The following DIP2C variants were observed in gnomAD, a reference collection of about 807,000 sequenced individuals.
DIP2C encodes the protein DIP2 acetate--CoA ligase C (putative), also known as disco-interacting protein 2 homolog C.
A neutral mutation model predicts 192.4 loss-of-function variants in DIP2C; 33 were observed. The ratio of observed to expected loss-of-function variants is 0.17; its 90% CI spans 0.13 to 0.23. The LOEUF is 0.23. Ranked by LOEUF, DIP2C falls within the 10% of genes least tolerant of loss-of-function variation. DIP2C has a pLI of 1.00. For synonymous variants in DIP2C, 979 were observed against 864.1 expected (o/e 1.13, Z -2.33); for missense variants, 1,537 against 2,110.1 (o/e 0.73, Z 5.32).
chr10:605,409 C>T (rs1852388255), intron 1 of DIP2C, among the ~76,000 whole-genome samples: 1 of 152,198 alleles, frequency 6.6e-6, no homozygotes, highest in Non-Finnish European at 1.5e-5. Context: ...GATTCCCTTG[C>T]CCAAGCTAAT....
intron 36 of DIP2C, among the ~76,000 whole-genome samples, chr10:278,197 G>A (rs1012103546): frequency 2.7e-5 from 4 of 150,586 alleles, no homozygotes; most frequent in African/African-American, 9.8e-5. Context: ...TAGGGCATGG[G>A]TGCCTACTCC....
At chr10:616,471 T>C (rs1324811730) in intron 1 of DIP2C, among the ~76,000 whole-genome samples, 2 of 152,240 alleles carry the variant, frequency 1.3e-5, no homozygotes, top group Non-Finnish European at 2.9e-5. Flanking sequence ...TTCCCAAGCC[T>C]GTCTCTGCAC....
chr10:513,366 ATTGT>A (rs1846149511), intron 1 of DIP2C, among the ~76,000 whole-genome samples: 1 of 152,258 alleles, frequency 6.6e-6, no homozygotes, highest in East Asian at 1.9e-4. Context: ...AGTTTTTAAA[ATTGT>A]TTGTCGCGTG....
chr10:379,998 A>G (rs1359738286), intron 17 of DIP2C, among the ~76,000 whole-genome samples: 1 of 151,624 alleles, frequency 6.6e-6, no homozygotes, highest in African/African-American at 2.4e-5. Flanking sequence ...CACGCAGAAG[A>G]GGCTGTCCCT....
intron 1 of DIP2C, among the ~76,000 whole-genome samples, chr10:677,747 CAG>C (rs1213087861): frequency 6.6e-6 from 1 of 152,200 alleles, no homozygotes; most frequent in Non-Finnish European, 1.5e-5. Flanking sequence ...CAACTCGGAA[CAG>C]GGGATGGTGA....
intron 31 of DIP2C, chr10:324,809 G>T (rs377221325): frequency 3.0e-5 from 13 of 433,780 alleles, no homozygotes; most frequent in African/African-American, 2.4e-4. Context: ...AGGTAAGGAC[G>T]GTGGCACGCT....
intron 1 of DIP2C, among the ~76,000 whole-genome samples, chr10:573,431 C>T (rs1384918448): frequency 6.6e-6 from 1 of 152,222 alleles, no homozygotes; most frequent in Non-Finnish European, 1.5e-5. Flanking sequence ...GTTTTTCGGA[C>T]AGGGTCGCCC....
Position 349,320 on chromosome 10 carries a change from T to G in DIP2C, c.3109+11A>C. ...GCCATCTCTCAGGGGAAGCCCACCC[T>G]GCGCCTGTACCTGGGGGGTAGACCA... On this transcript the variant is annotated intron_variant, in intron 25 of 36. Coordinates refer to ENST00000280886, the MANE Select transcript of DIP2C (RefSeq NM_014974.3). 1 of 1,600,120 alleles carries G rather than the reference T, an allele frequency of 6.2e-7. No homozygotes were observed.
intron 3 of DIP2C, among the ~76,000 whole-genome samples, chr10:445,417 T>C (rs567195393): frequency 1.3e-5 from 2 of 150,868 alleles, no homozygotes; most frequent in South Asian, 4.2e-4. Context: ...GCAAAGAGTA[T>C]ATCTTGCACT....
At chr10:521,566 G>A (rs992856058) in intron 1 of DIP2C, among the ~76,000 whole-genome samples, 5 of 152,142 alleles carry the variant, frequency 3.3e-5, no homozygotes, top group African/African-American at 9.7e-5. Context: ...GGGAGAAGCC[G>A]GTCCAGATAT....
intron 1 of DIP2C, among the ~76,000 whole-genome samples, chr10:606,071 C>T (rs1210283327): frequency 6.6e-6 from 1 of 152,224 alleles, no homozygotes; most frequent in Non-Finnish European, 1.5e-5. Context: ...ACCCCCGGAG[C>T]CTGCGCAGCG....
At chr10:594,547 G>GT (rs1851590849) in intron 1 of DIP2C, among the ~76,000 whole-genome samples, 1 of 150,078 alleles carries the variant, frequency 6.7e-6, no homozygotes, top group African/African-American at 2.5e-5. Flanking sequence ...CCATTTCAAC[G>GT]TAAGAGAACA....
chr10:670,183 CGT>C lies in DIP2C; in HGVS notation c.85+19309_85+19310del, dbSNP rs548199838. Reference sequence around the variant, plus strand: ...GTGCGCACATGCATGAACATGTACACGTGTGTACATGTGTGCACATGTATGCA... The same window carrying C: ...GTGCGCACATGCATGAACATGTACACGTGTACATGTGTGCACATGTATGCA... On this transcript the variant is annotated intron_variant, in intron 1 of 36. Coordinates refer to ENST00000280886, the MANE Select transcript of DIP2C (RefSeq NM_014974.3). Among the ~76,000 whole-genome samples, 439 of 152,230 alleles carry C rather than the reference CGT, an allele frequency of 2.9e-3. 1 individual carries two copies. The highest frequency in any genetic ancestry group is 0.01 in the Middle Eastern group (3 of 294).
At chr10:319,749 G>C (rs1160733835) in intron 31 of DIP2C, among the ~76,000 whole-genome samples, 1 of 152,170 alleles carries the variant, frequency 6.6e-6, no homozygotes, top group Non-Finnish European at 1.5e-5. Context: ...CATTTTTCCA[G>C]CTAAAGGTAC....
intron 1 of DIP2C, among the ~76,000 whole-genome samples, chr10:522,525 G>A (rs910739059): frequency 3.3e-5 from 5 of 152,262 alleles, no homozygotes; most frequent in African/African-American, 1.2e-4. Context: ...AGCCACAAGT[G>A]AGGGTCCTGA....
At chr10:391,513 T>G (rs762034719) in intron 10 of DIP2C, among the ~76,000 whole-genome samples, 7 of 152,230 alleles carry the variant, frequency 4.6e-5, no homozygotes, top group Non-Finnish European at 1.0e-4. Context: ...AGGTCAGACC[T>G]GAACAGACCT....
chr10:459,680 G>A (rs560317249), intron 3 of DIP2C, among the ~76,000 whole-genome samples: 158 of 145,230 alleles, frequency 1.1e-3, no homozygotes, highest in African/African-American at 3.7e-3. Flanking sequence ...AGGGAACGGC[G>A]TGCTGCACGT....
chr10:671,314 G>T (rs980475439), intron 1 of DIP2C, among the ~76,000 whole-genome samples: 1 of 152,010 alleles, frequency 6.6e-6, no homozygotes, highest in Non-Finnish European at 1.5e-5. Context: ...TCCACAGACG[G>T]AGGAAACGCC....
At chr10:354,618 G>A (rs1224202606) in intron 24 of DIP2C, among the ~76,000 whole-genome samples, 5 of 152,126 alleles carry the variant, frequency 3.3e-5, no homozygotes, top group Non-Finnish European at 5.9e-5. Context: ...TGGGAGCAGC[G>A]TGTCAGGCAA....
Sources: allele counts gnomAD v4.1 joint callset (sites outside exome capture counted in the v4.1 genomes callset), GRCh38; gene constraint gnomAD v4.1.1; transcripts MANE v1.5; gene names NCBI Gene and HGNC (gene_info 2026-07-23, HGNC 2026-07-21).